Variants in TMEM263 observed in about 807,000 individuals in gnomAD.
The protein encoded by TMEM263 is UPF0444 transmembrane protein C12orf23.
A neutral mutation model predicts 8.6 loss-of-function variants in TMEM263; 5 were observed. The ratio of observed to expected loss-of-function variants is 0.58; its 90% CI spans 0.31 to 1.23. The LOEUF (loss-of-function observed/expected upper bound fraction) is 1.23, where lower values mean the gene tolerates loss of function less well. Among genes scored for constraint, TMEM263 ranks in the 50% most tolerant of loss-of-function variants. TMEM263 has a pLI of 0.07. For missense variants in TMEM263, 104 were observed against 138.8 expected (o/e 0.75, Z 1.26); for synonymous variants, 50 against 47.9 (o/e 1.04, Z -0.18).
chr12:106,965,561 G>GC (rs1951832458), intron 2 of TMEM263, among the ~76,000 whole-genome samples: 1 of 149,106 alleles, frequency 6.7e-6, no homozygotes, highest in Non-Finnish European at 1.5e-5. Flanking sequence ...AGCTGAGATC[G>GC]CACCACTGCA....
rs143682825 is a variant in TMEM263, at chr12:106,966,979, G to A, written c.-6-132G>A. On this transcript the variant is annotated intron_variant, in intron 2 of 3. Transcript: ENST00000280756. ...TGAAGTAGGAGAGAAACAAGATGAA[G>A]ACTAGTTGTATAGTGGGTACAAAAT... 2.1e-4 allele frequency: 129 copies of A among 619,356 alleles called. 1 individual carries two copies. In the African/African-American group the frequency reaches 2.3e-3, roughly 11 times the overall value. The allele number at this position is 619,356 out of a possible 1,614,324, so 38.4% of individuals were successfully genotyped here.
intron 2 of TMEM263, among the ~76,000 whole-genome samples, chr12:106,962,382 A>G (rs1275951280): frequency 2.0e-5 from 3 of 152,178 alleles, no homozygotes; most frequent in African/African-American, 7.2e-5. Flanking sequence ...TTATTTTCAC[A>G]TCTGCATAAT....
At chr12:106,965,642 C>A (rs193007621) in intron 2 of TMEM263, among the ~76,000 whole-genome samples, 5 of 151,316 alleles carry the variant, frequency 3.3e-5, no homozygotes, top group Admixed American at 3.3e-4. Flanking sequence ...AATAAAGTAT[C>A]ACACCCTCTC....
chr12:106,958,666 A>G (rs1566220799), intron 2 of TMEM263, among the ~76,000 whole-genome samples: 1 of 152,254 alleles, frequency 6.6e-6, no homozygotes, highest in South Asian at 2.1e-4. Context: ...GTTTATTCAC[A>G]CTTCAGGACC....
rs1431213032 is a variant in TMEM263 at position 106,971,144 on chromosome 12, T to G, written c.104T>G (p.Leu35Trp). ...KDHPQQQPGMLSRVTGGIFSV... is the reference protein window; with the variant it reads ...KDHPQQQPGMWSRVTGGIFSV... ...CACCCACAGCAGCAGCCAGGCATGT[T>G]GTCCCGTGTGACTGGGGGTATCTTC... Residue 35 changes from leucine to tryptophan, a missense_variant, in exon 4 of 4, where the codon TTG (leucine) becomes TGG (tryptophan). Coordinates refer to ENST00000280756, the MANE Select transcript of TMEM263 (RefSeq NM_152261.4). The G allele has an allele frequency of 6.2e-7, 1 of 1,614,136 alleles. No homozygotes were observed. Among genetic ancestry groups the G allele is most frequent in the East Asian group, 2.2e-5 (1 of 44,900 alleles).
At chr12:106,970,829 A>T (rs1951909931) in intron 3 of TMEM263, among the ~76,000 whole-genome samples, 1 of 152,258 alleles carries the variant, frequency 6.6e-6, no homozygotes, top group African/African-American at 2.4e-5. Context: ...AACCAAGGAA[A>T]CATTTAAAAT....
chr12:106,961,224 A>ATTTTTTTTTTTTTTTT (rs554707654), intron 2 of TMEM263, among the ~76,000 whole-genome samples: 2 of 75,116 alleles, frequency 2.7e-5, no homozygotes, highest in Admixed American at 1.4e-4. Context: ...TGCCCAGTCA[A>ATTTTTTTTTTTTTTTT]TTTTTTTTTT....
rs199982435 is a variant in TMEM263 at position 106,965,605 on chromosome 12, C to CA, written c.-6-1489dup. On this transcript the variant is annotated intron_variant, in intron 2 of 3. Transcript: ENST00000280756. ...TGGGCGACAGAGTGAGACTCTGTCT[C>CA]AAAAAAAAAAAAAAAAATCACACAA... 4.1e-3 allele frequency among the ~76,000 whole-genome samples: 469 copies of CA among 115,634 alleles called. 4 individuals are homozygous for CA. The highest frequency in any genetic ancestry group is 0.024 in the Middle Eastern group (5 of 210). 75.9% of individuals were successfully genotyped at this position (115,634 alleles called of 152,430 possible).
chr12:106,971,145 G>A lies in TMEM263; in HGVS notation c.105G>A (p.Leu35=), dbSNP rs911760534. ...ACCCACAGCAGCAGCCAGGCATGTT[G>A]TCCCGTGTGACTGGGGGTATCTTCA... The part of the protein sequence containing the change: ...KDHPQQQPGM[L]SRVTGGIFSV... The change falls in exon 4 of 4, where the codon TTG becomes TTA. Residue 35 remains leucine, a synonymous_variant. Transcript: ENST00000280756. 19 of 1,614,094 alleles carry A rather than the reference G, an allele frequency of 1.2e-5. No individual in the cohort carries two copies. The African/African-American group carries it at 2.5e-4, about 22-fold the overall frequency.
At chr12:106,961,593 A>G (rs1380475103) in intron 2 of TMEM263, among the ~76,000 whole-genome samples, 1 of 152,142 alleles carries the variant, frequency 6.6e-6, no homozygotes, top group Non-Finnish European at 1.5e-5. Context: ...GCTTCCAGGA[A>G]GCCAAAGAGA....
chr12:106,963,711 T>A (rs771228455), intron 2 of TMEM263, among the ~76,000 whole-genome samples: 1 of 152,210 alleles, frequency 6.6e-6, no homozygotes, highest in Non-Finnish European at 1.5e-5. Flanking sequence ...ATTCATATTA[T>A]TTAGATTAAA....
At chr12:106,965,722 A>G (rs1035265049) in intron 2 of TMEM263, among the ~76,000 whole-genome samples, 1 of 151,716 alleles carries the variant, frequency 6.6e-6, no homozygotes, top group Non-Finnish European at 1.5e-5. Context: ...TTTATTTTGT[A>G]TTTATTTATT....
In TMEM263 at chr12:106,956,031, C is replaced by T. The variant is rs1951683240; in HGVS notation, c.-109C>T. ...TCTGCGCCGGCCCGCTCACTCCGCC[C>T]GGCCCCAGCCCTAGCGCTGGCCGCG... On this transcript the variant is annotated 5_prime_UTR_variant, in exon 1 of 4. Coordinates refer to ENST00000280756, the MANE Select transcript of TMEM263 (RefSeq NM_152261.4). 4 of 985,710 alleles carry T rather than the reference C, an allele frequency of 4.1e-6. No individual in the cohort carries two copies. Among genetic ancestry groups the T allele is most frequent in the Non-Finnish European group, 4.8e-6 (4 of 830,160 alleles). The allele number at this position is 985,710 out of a possible 1,614,324, so 61.1% of individuals were successfully genotyped here.
intron 2 of TMEM263, among the ~76,000 whole-genome samples, chr12:106,965,803 A>G (rs1354369043): frequency 1.3e-5 from 2 of 151,756 alleles, no homozygotes; most frequent in Admixed American, 1.3e-4. Flanking sequence ...ATATACATAT[A>G]TATATATTTT....
Position 106,971,161 on chromosome 12 carries a change from G to T in TMEM263, c.121G>T (p.Gly41Cys). Residue 41 changes from glycine to cysteine, a missense_variant, in exon 4 of 4, where the codon GGT becomes TGT. By Grantham distance (159) the Gly-to-Cys change is radical (BLOSUM62 -3). Coordinates refer to ENST00000280756, the MANE Select transcript of TMEM263 (RefSeq NM_152261.4). ...QPGMLSRVTG[G>C]IFSVTKGAVG... ...AGGCATGTTGTCCCGTGTGACTGGG[G>T]GTATCTTCAGTGTTACAAAGGGAGC... The T allele has an allele frequency of 1.2e-6, 2 of 1,614,202 alleles. No homozygotes were observed.
At position 106,974,012 on chromosome 12, in the gene TMEM263, G is replaced by GAAAT. The variant is rs1378928119; in HGVS notation, c.*2625_*2628dup. On this transcript the variant is annotated 3_prime_UTR_variant, in exon 4 of 4. Transcript: ENST00000280756. Reference sequence around the variant, plus strand: ...ATGGAATGTTTCATAAAGATCTAAAGAAATAAAGGAAACTTTAAAACAGGG... The same window carrying GAAAT: ...ATGGAATGTTTCATAAAGATCTAAAGAAATAAATAAAGGAAACTTTAAAACAGGG... 2.0e-5 allele frequency: 3 copies of GAAAT among 152,228 alleles called. No individual in the cohort carries two copies. Among genetic ancestry groups the GAAAT allele is most frequent in the African/African-American group, 7.2e-5 (3 of 41,442 alleles). 9.4% of individuals were successfully genotyped at this position (152,228 alleles called of 1,614,324 possible).
intron 2 of TMEM263, among the ~76,000 whole-genome samples, chr12:106,966,201 C>CA (rs1470239330): frequency 6.6e-6 from 1 of 152,138 alleles, no homozygotes; most frequent in Non-Finnish European, 1.5e-5. Context: ...CATGTATACT[C>CA]AGTGTTTAGC....
chr12:106,967,287 T>A (rs1391891684), intron 3 of TMEM263, 107 bp downstream of exon 3: 5 of 732,242 alleles, frequency 6.8e-6, no homozygotes, highest in Non-Finnish European at 1.0e-5. Context: ...AGACAGAGTC[T>A]TACTCTGTCA....
At chr12:106,962,865 A>G (rs1470948665) in intron 2 of TMEM263, among the ~76,000 whole-genome samples, 2 of 152,220 alleles carry the variant, frequency 1.3e-5, no homozygotes, top group Non-Finnish European at 2.9e-5. Flanking sequence ...AAAAAATTCA[A>G]GTATATGAGT....
Sources: allele counts gnomAD v4.1 joint callset (sites outside exome capture counted in the v4.1 genomes callset), GRCh38; gene constraint gnomAD v4.1.1; transcripts MANE v1.5; gene names NCBI Gene and HGNC (gene_info 2026-07-23, HGNC 2026-07-21).